The following IFT57 variants were observed in gnomAD, a reference collection of about 807,000 sequenced individuals.
The protein encoded by IFT57 is intraflagellar transport 57, also known as intraflagellar transport protein 57 homolog.
In IFT57, 59 loss-of-function variants were observed where a neutral mutation model predicts 56.8. The ratio of observed to expected loss-of-function variants is 1.04; its 90% CI spans 0.84 to 1.29. The LOEUF is 1.29. IFT57 is among the 50% of genes most tolerant of loss of function. The pLI is 0.00. For missense variants in IFT57, 470 were observed against 522.1 expected, an observed-to-expected ratio of 0.90 and a Z score of 0.97; for synonymous variants, 209 against 186.1, an observed-to-expected ratio of 1.12 and a Z score of -1.00.
intron 5 of IFT57, among the ~76,000 whole-genome samples, chr3:108,198,431 CGTGT>C (rs1385821679): frequency 1.3e-5 from 2 of 151,882 alleles, no homozygotes; most frequent in Admixed American, 1.3e-4. Flanking sequence ...TTGGTGTGTG[CGTGT>C]GTGTGTCTTG....
At chr3:108,219,205 T>TA (rs2080391145) in intron 2 of IFT57, among the ~76,000 whole-genome samples, 1 of 152,094 alleles carries the variant, frequency 6.6e-6, no homozygotes, top group Non-Finnish European at 1.5e-5. Context: ...AAAAAAATAT[T>TA]ACTTTGGACT....
intron 4 of IFT57, among the ~76,000 whole-genome samples, chr3:108,213,230 C>G (rs1576050295): frequency 2.0e-5 from 3 of 152,236 alleles, no homozygotes; most frequent in Admixed American, 2.0e-4. Flanking sequence ...TGTGGATATT[C>G]AACTGTGTGG....
At chr3:108,212,931 C>T (rs887639581) in intron 4 of IFT57, among the ~76,000 whole-genome samples, 1 of 152,110 alleles carries the variant, frequency 6.6e-6, no homozygotes, top group Non-Finnish European at 1.5e-5. Flanking sequence ...TTCATTTCTG[C>T]CACCCCTGAG....
intron 6 of IFT57, among the ~76,000 whole-genome samples, chr3:108,186,979 G>T (rs2080187440): frequency 6.6e-6 from 1 of 152,056 alleles, no homozygotes; most frequent in Non-Finnish European, 1.5e-5. Context: ...TCTGTTAATT[G>T]TGTATGTTAT....
intron 6 of IFT57, among the ~76,000 whole-genome samples, chr3:108,182,776 T>C (rs1374377881): frequency 6.6e-6 from 1 of 152,146 alleles, no homozygotes; most frequent in Admixed American, 6.6e-5. Context: ...AAATAATCTC[T>C]TTATCTAAAT....
intron 6 of IFT57, among the ~76,000 whole-genome samples, chr3:108,191,100 T>A (rs1412321131): frequency 6.6e-6 from 1 of 152,176 alleles, no homozygotes; most frequent in East Asian, 1.9e-4. Context: ...CAGCATTTTA[T>A]TTTTAATCAC....
intron 5 of IFT57, among the ~76,000 whole-genome samples, chr3:108,194,174 T>C (rs889967710): frequency 6.6e-6 from 1 of 152,156 alleles, no homozygotes; most frequent in Non-Finnish European, 1.5e-5. Context: ...AAAATCAATA[T>C]ATAAAAATCA....
At chr3:108,213,873 A>T in intron 4 of IFT57, 58 bp downstream of exon 4, 1 of 956,550 alleles carries the variant, frequency 1.0e-6, no homozygotes, top group East Asian at 2.4e-5. Flanking sequence ...GGGGAAATTA[A>T]GAGAATGGGA....
intron 6 of IFT57, among the ~76,000 whole-genome samples, chr3:108,170,568 T>C (rs552547695): frequency 5.7e-4 from 87 of 151,900 alleles, no homozygotes; most frequent in Middle Eastern, 3.4e-3. Context: ...AAAATGGCCA[T>C]ACTGCCCAAA....
chr3:108,175,626 G>C (rs1391366042), intron 6 of IFT57, among the ~76,000 whole-genome samples: 2 of 151,756 alleles, frequency 1.3e-5, no homozygotes, highest in African/African-American at 4.8e-5. Context: ...GATTTCCTTT[G>C]TGTATGAAGA....
intron 5 of IFT57, among the ~76,000 whole-genome samples, chr3:108,199,444 A>G (rs2080264732): frequency 6.6e-6 from 1 of 152,226 alleles, no homozygotes; most frequent in African/African-American, 2.4e-5. Flanking sequence ...AAGCCAAAAA[A>G]CTGAAATAGG....
intron 3 of IFT57, among the ~76,000 whole-genome samples, chr3:108,216,039 T>C (rs62267923): frequency 0.092 from 13,925 of 152,164 alleles, 701 homozygotes; most frequent in Middle Eastern, 0.12. Context: ...CTAGAGGAAA[T>C]GTGGAAGAAA....
rs558501933 is a variant in IFT57 at position 108,162,982 on chromosome 3, G to A, written c.1112-327C>T. ...GTCTGTAGGAAAAGGAAATACAAAA[G>A]GGGAAAAGGGGAAGAGAGAATTATC... On this transcript the variant is annotated intron_variant, in intron 10 of 10. Coordinates refer to ENST00000264538, the MANE Select transcript of IFT57 (RefSeq NM_018010.4). 2.6e-5 allele frequency among the ~76,000 whole-genome samples: 4 copies of A among 152,096 alleles called. No homozygotes were observed. The East Asian group carries it at 5.8e-4, about 22-fold the overall frequency.
chr3:108,214,916 G>T (rs1171965600), intron 3 of IFT57, among the ~76,000 whole-genome samples: 1 of 152,032 alleles, frequency 6.6e-6, no homozygotes, highest in Non-Finnish European at 1.5e-5. Flanking sequence ...ACCTTTTCCT[G>T]CACAGACCCT....
chr3:108,173,997 AGTGTGTGTGT>A lies in IFT57; in HGVS notation c.778-6143_778-6134del, dbSNP rs34537693. On this transcript the variant is annotated intron_variant, in intron 6 of 10. Transcript: ENST00000264538. ...AAAAATCAGTATTTGCATATATTTG[AGTGTGTGTGT>A]GTGTGTGTGTGTGTGTGTGTGTGTG... Among the ~76,000 whole-genome samples, 75 of 100,754 alleles carry A rather than the reference AGTGTGTGTGT, an allele frequency of 7.4e-4. 1 individual carries two copies. The highest frequency in any genetic ancestry group is 6.3e-3 in the Middle Eastern group (1 of 158). The allele number at this position is 100,754 out of a possible 152,430, so 66.1% of individuals were successfully genotyped here. A position where few individuals can be genotyped will look rare whatever the true frequency, so the allele number is the denominator to read the frequency against.
intron 5 of IFT57, among the ~76,000 whole-genome samples, chr3:108,200,018 G>A (rs1282716393): frequency 1.3e-5 from 2 of 152,222 alleles, no homozygotes; most frequent in Non-Finnish European, 1.5e-5. Flanking sequence ...TAAAGGGTTT[G>A]TAGAAGAAAA....
intron 6 of IFT57, among the ~76,000 whole-genome samples, chr3:108,188,189 G>A (rs1450943965): frequency 5.3e-5 from 8 of 152,052 alleles, no homozygotes; most frequent in South Asian, 2.1e-4. Flanking sequence ...GGAAAGGGTC[G>A]ACCACGATGC....
chr3:108,192,962 A>G (rs2080224423), intron 5 of IFT57, among the ~76,000 whole-genome samples: 1 of 152,184 alleles, frequency 6.6e-6, no homozygotes, highest in Admixed American at 6.6e-5. Context: ...GGCGGCTTTA[A>G]ATAAAACATG....
At chr3:108,202,296 G>A (rs1246703109) in intron 5 of IFT57, among the ~76,000 whole-genome samples, 2 of 152,174 alleles carry the variant, frequency 1.3e-5, no homozygotes, top group Non-Finnish European at 2.9e-5. Context: ...TTACGGCATA[G>A]CCACTGTGAA....
Sources: gnomAD v4.1 joint callset for allele counts (sites outside exome capture counted in the v4.1 genomes callset) on GRCh38, gnomAD v4.1.1 for gene constraint, MANE v1.5 for transcripts, NCBI Gene and HGNC (gene_info 2026-07-23, HGNC 2026-07-21) for gene names.